The following ADAMTSL3 variants were observed in gnomAD, a reference collection of about 807,000 sequenced individuals.
The protein encoded by ADAMTSL3 is ADAMTS like 3, also known as ADAMTS-like protein 3.
Under a neutral mutation model 201.7 loss-of-function variants are expected in ADAMTSL3, and 128 were observed. That is an observed-to-expected ratio of 0.63 (90% CI 0.55 to 0.73). ADAMTSL3 has a LOEUF of 0.73. ADAMTSL3 is among the 30% of genes least tolerant of loss of function. ADAMTSL3 has a pLI of 0.00. For missense variants in ADAMTSL3, 1,990 were observed against 2,119.6 expected, an observed-to-expected ratio of 0.94 and a Z score of 1.20; for synonymous variants, 738 against 748.4, an observed-to-expected ratio of 0.99 and a Z score of 0.23.
chr15:83,857,356 T>G (rs1342363700), intron 7 of ADAMTSL3, among the ~76,000 whole-genome samples: 1 of 152,220 alleles, frequency 6.6e-6, no homozygotes, highest in African/African-American at 2.4e-5. Context: ...GTGTTTCCTG[T>G]GCTTTTAGTG....
Position 83,899,691 on chromosome 15 carries a change from C to A in ADAMTSL3, c.1660C>A (p.Gln554Lys). ...AAAATTGCCTTGGCTGAAACAAGCA[C>A]AAGAACTAGAAGAGACCAGAATAGC... Reference protein sequence around the residue: ...EAKLPWLKQAQELEETRIATE... With the variant: ...EAKLPWLKQAKELEETRIATE... Residue 554 changes from glutamine (Q) to lysine (K), a missense_variant, in exon 15 of 30, where the codon CAA becomes AAA. By Grantham distance (53) the Gln-to-Lys change is moderately conservative. Coordinates refer to ENST00000286744, the MANE Select transcript of ADAMTSL3 (RefSeq NM_207517.3). 6.2e-7 allele frequency: 1 copy of A among 1,612,330 alleles called. No individual in the cohort carries two copies. Among genetic ancestry groups the A allele is most frequent in the East Asian group, 2.2e-5 (1 of 44,716 alleles).
At chr15:83,686,808 A>G (rs918666324) in intron 2 of ADAMTSL3, among the ~76,000 whole-genome samples, 2 of 152,146 alleles carry the variant, frequency 1.3e-5, no homozygotes, top group Admixed American at 6.5e-5. Context: ...AGTAAGAACT[A>G]CTCCAGGATC....
At chr15:83,733,597 C>T (rs895048039) in intron 3 of ADAMTSL3, among the ~76,000 whole-genome samples, 8 of 152,138 alleles carry the variant, frequency 5.3e-5, no homozygotes, top group African/African-American at 7.2e-5. Flanking sequence ...GAAAACAACT[C>T]GCTCTGTAAT....
intron 15 of ADAMTSL3, among the ~76,000 whole-genome samples, chr15:83,905,078 A>G (rs921491941): frequency 5.9e-5 from 9 of 152,208 alleles, no homozygotes; most frequent in Non-Finnish European, 1.0e-4. Context: ...CTGAGGAAAC[A>G]GGCGTAGAAA....
intron 2 of ADAMTSL3, among the ~76,000 whole-genome samples, chr15:83,683,610 T>C (rs530330174): frequency 1.3e-5 from 2 of 152,332 alleles, no homozygotes; most frequent in East Asian, 3.9e-4. Context: ...ATATGGTATC[T>C]GTCTGGAAGA....
chr15:83,785,003 C>T lies in ADAMTSL3; in HGVS notation c.317+11353C>T, dbSNP rs554973849. Among the ~76,000 whole-genome samples the T allele has an allele frequency of 1.5e-4, 23 of 152,222 alleles. No homozygotes were observed. In the South Asian group the frequency reaches 4.6e-3, roughly 30 times the overall value. ...GCACACAAGCAGCATTATTTCAATG[C>T]TGATTGTCAATTGCTGCTTTGAGTC... On this transcript the variant is annotated intron_variant, in intron 4 of 29. Coordinates refer to ENST00000286744, the MANE Select transcript of ADAMTSL3 (RefSeq NM_207517.3).
At chr15:83,801,694 A>ATG in intron 4 of ADAMTSL3, among the ~76,000 whole-genome samples, 1 of 91,956 alleles carries the variant, frequency 1.1e-5, no homozygotes, top group Non-Finnish European at 2.2e-5. Flanking sequence ...ATATATATAT[A>ATG]TGTATGTATG....
At position 83,689,615 on chromosome 15, in the gene ADAMTSL3, T is replaced by C. The variant is rs186579816; in HGVS notation, c.70-14774T>C. Among the ~76,000 whole-genome samples the C allele has an allele frequency of 3.3e-5, 5 of 152,354 alleles. No individual in the cohort carries two copies. In the East Asian group the frequency reaches 9.6e-4, roughly 29 times the overall value. ...CAGTGTATAAATACACCACGATTTA[T>C]TGATTCATTCTACTGTTGATGGTTT... On this transcript the variant is annotated intron_variant, in intron 2 of 29. Coordinates refer to ENST00000286744, the MANE Select transcript of ADAMTSL3 (RefSeq NM_207517.3).
intron 28 of ADAMTSL3, among the ~76,000 whole-genome samples, chr15:84,032,732 T>G (rs1393567837): frequency 1.3e-5 from 2 of 152,256 alleles, no homozygotes; most frequent in African/African-American, 4.8e-5. Context: ...ATTTTGTACT[T>G]AATATTCTGT....
At chr15:83,768,265 T>G (rs533836424) in intron 3 of ADAMTSL3, among the ~76,000 whole-genome samples, 2 of 152,228 alleles carry the variant, frequency 1.3e-5, no homozygotes, top group Non-Finnish European at 2.9e-5. Flanking sequence ...GGGTAAAGAT[T>G]ATCATCTCCA....
intron 4 of ADAMTSL3, among the ~76,000 whole-genome samples, chr15:83,774,404 G>A (rs545326520): frequency 6.6e-6 from 1 of 152,348 alleles, no homozygotes; most frequent in South Asian, 2.1e-4. Flanking sequence ...TATTTTGGCT[G>A]GAGTTTGGAT....
Position 83,966,767 on chromosome 15 carries a change from A to G in ADAMTSL3, c.2491-3717A>G, listed in dbSNP as rs373494877. ...AGGCCAATATCCCTGATGAACATCAATGCGAAAATCTTCAATAAAATATTG... is the reference window on the plus strand; with the variant it reads ...AGGCCAATATCCCTGATGAACATCAGTGCGAAAATCTTCAATAAAATATTG... On this transcript the variant is annotated intron_variant, in intron 19 of 29. Coordinates refer to ENST00000286744, the MANE Select transcript of ADAMTSL3 (RefSeq NM_207517.3). Among the ~76,000 whole-genome samples the G allele has an allele frequency of 3.2e-4, 49 of 152,358 alleles. 2 individuals are homozygous for G. In the East Asian group the frequency reaches 5.6e-3, roughly 17 times the overall value.
In ADAMTSL3 at chr15:84,021,461, A is replaced by T; in HGVS notation, c.4325A>T (p.His1442Leu). The change falls in exon 26 of 30, where the codon CAT (histidine) becomes CTT (leucine). Residue 1442 changes from histidine to leucine, a missense_variant. Transcript: ENST00000286744. ...TCACATTGTTCTGCCACCTGTGGTC[A>T]TTTGGGAGCCCGCATTCAGAGACCC... ...NWSHCSATCG[H>L]LGARIQRPQC... 6.2e-7 allele frequency: 1 copy of T among 1,614,098 alleles called. No individual in the cohort carries two copies. Among genetic ancestry groups the T allele is most frequent in the African/African-American group, 1.3e-5 (1 of 75,016 alleles).
At chr15:83,879,916 C>G (rs1317973201) in intron 9 of ADAMTSL3, among the ~76,000 whole-genome samples, 2 of 152,112 alleles carry the variant, frequency 1.3e-5, no homozygotes, top group Non-Finnish European at 2.9e-5. Context: ...TGAATTGACC[C>G]TTCTGTTATT....
At chr15:83,810,991 G>A (rs930429688) in intron 5 of ADAMTSL3, among the ~76,000 whole-genome samples, 2 of 152,014 alleles carry the variant, frequency 1.3e-5, no homozygotes, top group African/African-American at 2.4e-5. Flanking sequence ...CGCCCACTTC[G>A]GCCTCCCAAA....
intron 26 of ADAMTSL3, among the ~76,000 whole-genome samples, chr15:84,024,186 G>T (rs11259939): frequency 0.18 from 26,792 of 152,058 alleles, 2,736 homozygotes; most frequent in East Asian, 0.3. Context: ...AACCCGGGAG[G>T]CAATGGTTGG....
At chr15:83,656,946 T>G (rs2061093922) in intron 2 of ADAMTSL3, among the ~76,000 whole-genome samples, 1 of 152,244 alleles carries the variant, frequency 6.6e-6, no homozygotes. Flanking sequence ...GCCCTGTGAA[T>G]TCTGTGATGC....
intron 19 of ADAMTSL3, among the ~76,000 whole-genome samples, chr15:83,950,320 C>A (rs774826709): frequency 2.4e-4 from 36 of 151,900 alleles, no homozygotes; most frequent in Non-Finnish European, 5.0e-4. Flanking sequence ...CACTGTAGAT[C>A]TATGGATTTA....
At chr15:83,955,986 G>T (rs532717844) in intron 19 of ADAMTSL3, among the ~76,000 whole-genome samples, 1 of 152,202 alleles carries the variant, frequency 6.6e-6, no homozygotes, top group East Asian at 1.9e-4. Flanking sequence ...AACACCATCA[G>T]ACTTGCCTAA....
Sources: gnomAD v4.1 joint callset for allele counts (sites outside exome capture counted in the v4.1 genomes callset) on GRCh38, gnomAD v4.1.1 for gene constraint, MANE v1.5 for transcripts, NCBI Gene and HGNC (gene_info 2026-07-23, HGNC 2026-07-21) for gene names.